The following TPRG1 variants were observed in gnomAD, a reference collection of about 807,000 sequenced individuals.
TPRG1 encodes tumor protein p63-regulated gene 1 protein.
Under a neutral mutation model 29.3 loss-of-function variants are expected in TPRG1, and 29 were observed. The ratio of observed to expected loss-of-function variants is 0.99; its 90% CI spans 0.74 to 1.35. TPRG1 has a LOEUF of 1.35. Ranked by LOEUF, TPRG1 falls within the 40% of genes most tolerant of loss-of-function variation. The probability of loss-of-function intolerance (pLI) is 0.00; values close to 1 mark genes in which losing one functional copy is unlikely to be tolerated. For missense variants in TPRG1, 327 were observed against 335.0 expected (o/e 0.98, Z 0.19); for synonymous variants, 130 against 116.8 (o/e 1.11, Z -0.73).
chr3:189,272,145 AT>A (rs1715254610), intron 4 of TPRG1, among the ~76,000 whole-genome samples: 1 of 152,190 alleles, frequency 6.6e-6, no homozygotes, highest in African/African-American at 2.4e-5. Context: ...TCCCTTTATA[AT>A]TTATTCATGT....
chr3:189,096,459 T>C (rs1718685405), upstream of TPRG1, among the ~76,000 whole-genome samples: 1 of 152,234 alleles, frequency 6.6e-6, no homozygotes, highest in Non-Finnish European at 1.5e-5. Flanking sequence ...TATTAAATTA[T>C]GAGCTCTATA....
intron 4 of TPRG1, among the ~76,000 whole-genome samples, chr3:189,304,552 C>T (rs1721331331): frequency 6.6e-6 from 1 of 152,170 alleles, no homozygotes; most frequent in Non-Finnish European, 1.5e-5. Context: ...AAGGCAGCAC[C>T]TGCCGATGGG....
chr3:189,320,764 A>G lies in TPRG1; in HGVS notation c.772A>G (p.Ile258Val). Residue 258 changes from isoleucine (I) to valine (V), a missense_variant, in exon 6 of 6, where the codon ATT becomes GTT. By Grantham distance (29) the Ile-to-Val change is conservative (BLOSUM62 3). Coordinates refer to ENST00000345063, the MANE Select transcript of TPRG1 (RefSeq NM_198485.4). ...GACCTACACAGGGCTGATGTCATTCATTGGAAACCGCAACAAACTTGGCTA... is the reference window on the plus strand; with the variant it reads ...GACCTACACAGGGCTGATGTCATTCGTTGGAAACCGCAACAAACTTGGCTA... ...IETYTGLMSF[I>V]GNRNKLGYSL... is the part of the protein sequence containing the mutation. 6.2e-7 allele frequency: 1 copy of G among 1,610,960 alleles called. No individual in the cohort carries two copies. Among genetic ancestry groups the G allele is most frequent in the Non-Finnish European group, 8.5e-7 (1 of 1,178,600 alleles).
upstream of TPRG1, among the ~76,000 whole-genome samples, chr3:189,167,330 G>A (rs113667029): frequency 1.6e-4 from 24 of 152,224 alleles, no homozygotes; most frequent in African/African-American, 3.9e-4. Flanking sequence ...ACATTCTCCC[G>A]CCTTGTCTTT....
At chr3:189,143,357 C>G (rs768477637) in intron 3 of TPRG1, among the ~76,000 whole-genome samples, 2 of 152,200 alleles carry the variant, frequency 1.3e-5, no homozygotes, top group Non-Finnish European at 2.9e-5. Context: ...ACACAAGTTT[C>G]AGGCCCAAGT....
chr3:189,185,872 C>T (rs1384927291), intron 1 of TPRG1, among the ~76,000 whole-genome samples: 1 of 151,992 alleles, frequency 6.6e-6, no homozygotes, highest in Admixed American at 6.6e-5. Context: ...GCTTAGGACC[C>T]TACTTTTTCA....
At chr3:189,259,461 C>CCTTTT (rs1400158646) in intron 4 of TPRG1, among the ~76,000 whole-genome samples, 160 of 138,190 alleles carry the variant, frequency 1.2e-3, no homozygotes, top group African/African-American at 4.5e-3. Flanking sequence ...CCCAGGAATC[C>CCTTTT]CTTTTTTTTT....
At chr3:189,155,795 A>G (rs992789121) in intron 5 of TPRG1, among the ~76,000 whole-genome samples, 7 of 152,232 alleles carry the variant, frequency 4.6e-5, no homozygotes, top group Admixed American at 2.0e-4. Context: ...TTGAACTCAT[A>G]GAAGCAGAGT....
At chr3:189,291,242 A>G (rs1718959561) in intron 4 of TPRG1, among the ~76,000 whole-genome samples, 1 of 152,128 alleles carries the variant, frequency 6.6e-6, no homozygotes, top group Non-Finnish European at 1.5e-5. Context: ...TCAACAAATT[A>G]TGGGACCTTA....
intron 1 of TPRG1, among the ~76,000 whole-genome samples, chr3:189,188,511 C>G (rs953871855): frequency 6.6e-6 from 1 of 152,146 alleles, no homozygotes; most frequent in Non-Finnish European, 1.5e-5. Context: ...TTAAAACAGT[C>G]ACTGCCATCC....
At chr3:189,127,753 C>T (rs1049890504) in intron 2 of TPRG1, among the ~76,000 whole-genome samples, 1 of 152,098 alleles carries the variant, frequency 6.6e-6, no homozygotes, top group African/African-American at 2.4e-5. Flanking sequence ...CTGGGTAGAA[C>T]CTTGAGGTCC....
intron 3 of TPRG1, among the ~76,000 whole-genome samples, chr3:189,230,089 C>T (rs1560581431): frequency 6.6e-6 from 1 of 152,176 alleles, no homozygotes; most frequent in Non-Finnish European, 1.5e-5. Context: ...AGGGGTGGGC[C>T]TCTTGTTAGC....
intron 1 of TPRG1, among the ~76,000 whole-genome samples, chr3:189,192,109 C>T (rs1419347360): frequency 6.6e-6 from 1 of 152,184 alleles, no homozygotes; most frequent in Non-Finnish European, 1.5e-5. Flanking sequence ...AACTGGTTGA[C>T]AGAAGATCAT....
chr3:189,305,899 G>T (rs568105429), intron 4 of TPRG1, among the ~76,000 whole-genome samples: 1 of 152,192 alleles, frequency 6.6e-6, no homozygotes, highest in African/African-American at 2.4e-5. Flanking sequence ...GAAGTAAAGA[G>T]TACATTGTCC....
chr3:189,110,156 A>T (rs1379028853), intron 1 of TPRG1, among the ~76,000 whole-genome samples: 1 of 152,318 alleles, frequency 6.6e-6, no homozygotes, highest in Non-Finnish European at 1.5e-5. Flanking sequence ...TGCATTGTGT[A>T]GTATATGTTT....
chr3:189,017,788 C>G (rs1159504619), intron 3 of TPRG1, among the ~76,000 whole-genome samples: 2 of 152,092 alleles, frequency 1.3e-5, no homozygotes, highest in African/African-American at 4.8e-5. Context: ...AGTTCTAGAT[C>G]CCTGAGGAAT....
chr3:189,177,474 A>C lies in TPRG1; in HGVS notation c.-10+5343A>C, dbSNP rs140325571. 3.2e-3 allele frequency among the ~76,000 whole-genome samples: 488 copies of C among 151,444 alleles called. 4 individuals carry two copies. Among genetic ancestry groups the C allele is most frequent in the East Asian group, 0.012 (60 of 5,130 alleles). On this transcript the variant is annotated intron_variant, in intron 1 of 5. Transcript: ENST00000345063. ...TCTGTTTATATATGCATATACTTAT[A>C]TATGTATATACATATATATGTCTGT...
At chr3:189,116,554 T>C (rs1263250171) in intron 1 of TPRG1, among the ~76,000 whole-genome samples, 1 of 152,190 alleles carries the variant, frequency 6.6e-6, no homozygotes, top group Admixed American at 6.5e-5. Context: ...CCAGTGTTCA[T>C]TGACAGATAA....
intron 4 of TPRG1, among the ~76,000 whole-genome samples, chr3:189,299,403 G>A (rs911008141): frequency 2.6e-5 from 4 of 152,062 alleles, no homozygotes; most frequent in Non-Finnish European, 4.4e-5. Flanking sequence ...GCATGCAAAC[G>A]TATAACTCTT....
Sources: allele counts gnomAD v4.1 joint callset (sites outside exome capture counted in the v4.1 genomes callset), GRCh38; gene constraint gnomAD v4.1.1; transcripts MANE v1.5; gene names NCBI Gene and HGNC (gene_info 2026-07-23, HGNC 2026-07-21).